Variants in NCAPD2 observed in about 807,000 individuals in gnomAD.
NCAPD2 encodes non-SMC condensin I complex subunit D2, also known as condensin complex subunit 1.
Under a neutral mutation model 164.5 loss-of-function variants are expected in NCAPD2, and 100 were observed. The observed-to-expected ratio is 0.61, with a 90% CI of 0.52 to 0.72. NCAPD2 has a LOEUF of 0.72. Among genes scored for constraint, NCAPD2 ranks in the 30% least tolerant of loss-of-function variants. The pLI is 0.00. For synonymous variants in NCAPD2, 585 were observed against 642.6 expected (o/e 0.91, Z 1.36); for missense variants, 1,560 against 1,749.2 (o/e 0.89, Z 1.93).
chr12:6,518,433 G>C (rs1424655734), intron 13 of NCAPD2, among the ~76,000 whole-genome samples: 1 of 141,412 alleles, frequency 7.1e-6, no homozygotes, highest in Non-Finnish European at 1.5e-5. Flanking sequence ...CCTGATCTTA[G>C]AGAAAAGATT....
At chr12:6,511,334 G>GTTTTTTTTTTTTTT in intron 6 of NCAPD2, 82 bp downstream of exon 6, 1 of 1,141,256 alleles carries the variant, frequency 8.8e-7, no homozygotes. Context: ...TTTTGGTTTT[G>GTTTTTTTTTTTTTT]TTTTTTTTTT....
intron 2 of NCAPD2, among the ~76,000 whole-genome samples, chr12:6,500,894 A>G (rs1375314039): frequency 1.3e-5 from 2 of 152,156 alleles, no homozygotes; most frequent in African/African-American, 4.8e-5. Context: ...TTAAGTGGCT[A>G]ATACAGTAAT....
chr12:6,518,518 T>G (rs867172049), intron 13 of NCAPD2, among the ~76,000 whole-genome samples: 8 of 112,970 alleles, frequency 7.1e-5, no homozygotes, highest in African/African-American at 2.6e-4. Flanking sequence ...TTTTTTTTTT[T>G]TTTTTTTTTT....
chr12:6,509,848 C>G, intron 3 of NCAPD2, 56 bp downstream of exon 3: 1 of 1,565,164 alleles, frequency 6.4e-7, no homozygotes, highest in Non-Finnish European at 8.8e-7. Context: ...TTTGTCCTAA[C>G]TGTGCATGTT....
rs1160699353 is a variant in NCAPD2 at position 6,531,131 on chromosome 12, G to A, written c.4120+55G>A. On this transcript the variant is annotated intron_variant, in intron 31 of 31. Coordinates refer to ENST00000315579, the MANE Select transcript of NCAPD2 (RefSeq NM_014865.4). The surrounding 1 kb of genome is among the most constrained non-coding windows in gnomAD (Gnocchi z 4.1). The stretch of plus-strand genomic sequence containing the variant: ...GAAGGCACACAGCTAGGGTGCAGAG[G>A]GCTGGTTTCCATAGGACCTGCTGCG... 9 of 1,605,400 alleles carry A rather than the reference G, an allele frequency of 5.6e-6. No homozygotes were observed. Among genetic ancestry groups the A allele is most frequent in the Non-Finnish European group, 7.7e-6 (9 of 1,175,774 alleles).
chr12:6,522,212 G>A (rs912069714), intron 15 of NCAPD2, among the ~76,000 whole-genome samples, 175 bp downstream of exon 15: 5 of 152,060 alleles, frequency 3.3e-5, no homozygotes, highest in African/African-American at 1.2e-4. Flanking sequence ...GGTATTACAG[G>A]TGTGAGCCAC....
intron 22 of NCAPD2, 148 bp from the exon 23 acceptor site, chr12:6,527,629 C>A: frequency 1.3e-6 from 1 of 740,748 alleles, no homozygotes; most frequent in Non-Finnish European, 2.2e-6. Context: ...ATTCAGGAAT[C>A]CTTTCTCTTT....
At chr12:6,526,675 G>T in intron 21 of NCAPD2, 60 bp downstream of exon 21, 1 of 1,573,472 alleles carries the variant, frequency 6.4e-7, no homozygotes. Context: ...TGCAGGGCCA[G>T]GAGCCACTGC....
intron 2 of NCAPD2, among the ~76,000 whole-genome samples, chr12:6,500,250 A>G (rs1295360004): frequency 2.0e-5 from 3 of 152,326 alleles, no homozygotes; most frequent in Admixed American, 6.5e-5. Flanking sequence ...AGTCTCTAAA[A>G]TTAATTATAC....
chr12:6,495,802 A>G (rs772407061), intron 2 of NCAPD2, among the ~76,000 whole-genome samples: 15 of 152,072 alleles, frequency 9.9e-5, no homozygotes, highest in Non-Finnish European at 2.1e-4. Context: ...TGCTTTGGAG[A>G]GGTATAGAGA....
rs762367182 is a variant in NCAPD2 at position 6,514,379 on chromosome 12, T to C, written c.702T>C (p.Tyr234=). The C allele has an allele frequency of 5.0e-6, 8 of 1,614,122 alleles. No homozygotes were observed. Among genetic ancestry groups the C allele is most frequent in the Admixed American group, 3.3e-5 (2 of 60,012 alleles). The change falls in exon 7 of 32, where the codon TAT becomes TAC. Residue 234 remains tyrosine, a synonymous_variant. Transcript: ENST00000315579. ...TGCTTGGTGTAGCCTTGACCCGTTA[T>C]AACCATATGCTCAGTAAGTTACCAG... is the stretch of plus-strand genomic sequence containing the variant. ...THLLGVALTR[Y]NHMLSATVKI... is the part of the protein sequence containing the mutation.
chr12:6,528,467 C>A lies in NCAPD2; in HGVS notation c.3299+139C>A. 3 of 1,281,052 alleles carry A rather than the reference C, an allele frequency of 2.3e-6. No homozygotes were observed. The highest frequency in any genetic ancestry group is 2.1e-5 in the Admixed American group (1 of 48,378). The allele number at this position is 1,281,052 out of a possible 1,614,324, so 79.4% of individuals were successfully genotyped here. ...CTGCTTGATACTTGACCTGTACAGG[C>A]CCCTGGCTAAGAGTCACCCCAGTGG... is the stretch of plus-strand genomic sequence containing the variant. On this transcript the variant is annotated intron_variant, in intron 25 of 31. Transcript: ENST00000315579. The surrounding 1 kb of genome is among the most constrained non-coding windows in gnomAD (Gnocchi z 5.1).
At chr12:6,510,562 G>T in intron 4 of NCAPD2, 67 bp from the exon 5 acceptor site, 1 of 1,535,112 alleles carries the variant, frequency 6.5e-7, no homozygotes, top group Non-Finnish European at 9.0e-7. Context: ...GCAAGTGCTG[G>T]GTGTTTTGAA....
intron 2 of NCAPD2, among the ~76,000 whole-genome samples, chr12:6,496,672 G>A (rs1036247323): frequency 6.6e-6 from 1 of 151,340 alleles, no homozygotes; most frequent in Non-Finnish European, 1.5e-5. Flanking sequence ...CAGTCTTCCC[G>A]CCTCAGCCTC....
intron 13 of NCAPD2, among the ~76,000 whole-genome samples, chr12:6,518,504 G>GTTTTTGTTTTGT (rs746627585): frequency 2.2e-5 from 1 of 44,774 alleles, no homozygotes; most frequent in East Asian, 6.3e-4. Context: ...CCGTCAACAA[G>GTTTTTGTTTTGT]TTTTTTTTTT....
intron 4 of NCAPD2, 100 bp downstream of exon 4, chr12:6,510,233 A>T (rs1946133523): frequency 7.9e-7 from 1 of 1,269,936 alleles, no homozygotes. Context: ...CCACATGATG[A>T]TATCAAGGCT....
At chr12:6,502,140 T>G (rs1946044138) in intron 2 of NCAPD2, among the ~76,000 whole-genome samples, 1 of 151,930 alleles carries the variant, frequency 6.6e-6, no homozygotes, top group Non-Finnish European at 1.5e-5. Flanking sequence ...CTTTAGTAGG[T>G]AAGAGAGTAC....
In NCAPD2 at chr12:6,495,075, G is replaced by A. The variant is rs371444739; in HGVS notation, c.-23-1G>A. 1.1e-4 allele frequency: 170 copies of A among 1,613,736 alleles called. 2 individuals are homozygous for A. In the African/African-American group the frequency reaches 1.8e-3, roughly 17 times the overall value. On this transcript the variant is annotated splice_acceptor_variant, in intron 1 of 31. Transcript: ENST00000315579. LOFTEE classifies it low-confidence loss of function (5UTR_SPLICE). ...TGACTTTTTCACTGTTTGGTTTCTA[G>A]CCCTGTGAGCCTGTAGGAGTAGAAT...
rs767836400 is a variant in NCAPD2 at position 6,522,887 on chromosome 12, C to A, written c.2014C>A (p.Leu672Met). The A allele has an allele frequency of 4.3e-6, 7 of 1,614,124 alleles. No homozygotes were observed. Among genetic ancestry groups the A allele is most frequent in the Non-Finnish European group, 5.9e-6 (7 of 1,180,014 alleles). The part of the protein sequence containing the change: ...MVFQFGVPQA[L>M]FGVRRMLPLI... The stretch of plus-strand genomic sequence containing the variant: ...CTTCCAATTTGGGGTACCCCAGGCC[C>A]TGTTTGGGGTGCGCCGTATGCTGCC... The change falls in exon 16 of 32, where the codon CTG (leucine) becomes ATG (methionine). Residue 672 changes from leucine (L) to methionine (M), a missense_variant. Leu to Met is a conservative substitution (Grantham distance 15). Coordinates refer to ENST00000315579, the MANE Select transcript of NCAPD2 (RefSeq NM_014865.4).
Sources: gnomAD v4.1 joint callset for allele counts (sites outside exome capture counted in the v4.1 genomes callset) on GRCh38, gnomAD v4.1.1 for gene constraint, Gnocchi (gnomAD v3.1) non-coding constraint, MANE v1.5 for transcripts, NCBI Gene and HGNC (gene_info 2026-07-23, HGNC 2026-07-21) for gene names.